The following PIGL variants were observed in gnomAD, a reference collection of about 807,000 sequenced individuals.
The protein encoded by PIGL is N-acetylglucosaminyl-phosphatidylinositol de-N-acetylase.
A neutral mutation model predicts 31.1 loss-of-function variants in PIGL; 22 were observed. The ratio of observed to expected loss-of-function variants is 0.71; its 90% CI spans 0.51 to 1.01. The LOEUF (loss-of-function observed/expected upper bound fraction) is 1.01. PIGL is among the 50% of genes least tolerant of loss of function. The pLI is 0.00. For missense variants in PIGL, 302 were observed against 315.9 expected (o/e 0.96, Z 0.33); for synonymous variants, 131 against 117.4 (o/e 1.12, Z -0.75).
At chr17:16,241,503 G>A (rs186612617) in intron 2 of PIGL, among the ~76,000 whole-genome samples, 13 of 151,020 alleles carry the variant, frequency 8.6e-5, no homozygotes, top group African/African-American at 2.4e-4. Flanking sequence ...GGAGGAGGAC[G>A]GTGCAGTGAG....
At chr17:16,278,677 C>G (rs2092905385) in intron 2 of PIGL, among the ~76,000 whole-genome samples, 1 of 150,832 alleles carries the variant, frequency 6.6e-6, no homozygotes, top group Non-Finnish European at 1.5e-5. Flanking sequence ...TTTTTCCTAT[C>G]TAACCTAAAA....
At chr17:16,310,984 T>C (rs1009629878) in intron 3 of PIGL, among the ~76,000 whole-genome samples, 1 of 152,224 alleles carries the variant, frequency 6.6e-6, no homozygotes, top group Admixed American at 6.5e-5. Flanking sequence ...ATAGGGTTAA[T>C]ACTATGTCTT....
At chr17:16,301,570 A>ATT (rs3034004) in intron 3 of PIGL, among the ~76,000 whole-genome samples, 7 of 112,322 alleles carry the variant, frequency 6.2e-5, no homozygotes, top group East Asian at 2.9e-4. Context: ...CCAATTTTTA[A>ATT]TTTTTTTTTT....
chr17:16,236,141 G>C (rs2092698944), intron 2 of PIGL, among the ~76,000 whole-genome samples: 1 of 152,058 alleles, frequency 6.6e-6, no homozygotes, highest in Non-Finnish European at 1.5e-5. Context: ...AAAAAAACAG[G>C]ATAGGTGCTT....
intron 6 of PIGL, among the ~76,000 whole-genome samples, chr17:16,319,656 G>A (rs2093094406): frequency 6.6e-6 from 1 of 151,958 alleles, no homozygotes; most frequent in Non-Finnish European, 1.5e-5. Flanking sequence ...TCGGGAGGCT[G>A]AGGCAGGAGA....
intron 2 of PIGL, among the ~76,000 whole-genome samples, chr17:16,286,686 G>T (rs1414025315): frequency 1.3e-5 from 2 of 152,144 alleles, no homozygotes; most frequent in Non-Finnish European, 2.9e-5. Context: ...GGAAGGAGTC[G>T]TCGGGCTTCT....
rs117667630 is a variant in PIGL at position 16,303,349 on chromosome 17, C to T, written c.426+3371C>T. 1.1e-4 allele frequency among the ~76,000 whole-genome samples: 16 copies of T among 152,320 alleles called. No homozygotes were observed. In the East Asian group the frequency reaches 3.1e-3, roughly 29 times the overall value. ...TATCTCCAAGAACTAGAGCAGGCCC[C>T]TGGACAGTGCTCCTTACCAAACTGC... On this transcript the variant is annotated intron_variant, in intron 3 of 6. Coordinates refer to ENST00000225609, the MANE Select transcript of PIGL (RefSeq NM_004278.4).
intron 3 of PIGL, among the ~76,000 whole-genome samples, chr17:16,303,957 G>A (rs770191225): frequency 2.6e-5 from 4 of 151,936 alleles, no homozygotes; most frequent in Admixed American, 6.6e-5. Context: ...CTCATGATCC[G>A]CCCGCCTCGG....
At chr17:16,325,730 G>A in intron 6 of PIGL, 70 bp from the exon 7 acceptor site, 1 of 1,124,160 alleles carries the variant, frequency 8.9e-7, no homozygotes, top group Admixed American at 1.7e-5. Context: ...AGGTGCGGAG[G>A]CCAGATCTGA....
In PIGL at chr17:16,274,316, G is replaced by A. The variant is rs965415435; in HGVS notation, c.336-25572G>A. On this transcript the variant is annotated intron_variant, in intron 2 of 6. Coordinates refer to ENST00000225609, the MANE Select transcript of PIGL (RefSeq NM_004278.4). Reference sequence around the variant, plus strand: ...AGTTCAGACCTGAGGCCAAGAAGAGGAAGGCAAGAGTTCTCTTGCGGATCT... The same window carrying A: ...AGTTCAGACCTGAGGCCAAGAAGAGAAAGGCAAGAGTTCTCTTGCGGATCT... Among the ~76,000 whole-genome samples, 3 of 152,296 alleles carry A rather than the reference G, an allele frequency of 2.0e-5. No homozygotes were observed. In the East Asian group the frequency reaches 5.8e-4, roughly 29 times the overall value.
Position 16,315,299 on chromosome 17 carries a change from C to T in PIGL, c.495-1382C>T, listed in dbSNP as rs2093070569. Among the ~76,000 whole-genome samples the T allele has an allele frequency of 2.6e-5, 4 of 152,232 alleles. No individual in the cohort carries two copies. The South Asian group carries it at 6.2e-4, about 24-fold the overall frequency. ...CTTTTTCCCCACAGTCATCTCTTGC[C>T]TGCTAAATTCGTTAGACTCACGTTA... On this transcript the variant is annotated intron_variant, in intron 4 of 6. Coordinates refer to ENST00000225609, the MANE Select transcript of PIGL (RefSeq NM_004278.4).
intron 2 of PIGL, among the ~76,000 whole-genome samples, chr17:16,277,451 CA>C (rs769581770): frequency 7.2e-5 from 11 of 152,088 alleles, no homozygotes; most frequent in Non-Finnish European, 1.3e-4. Flanking sequence ...GTTAATAGCT[CA>C]AAAGAAAAAT....
chr17:16,325,961 C>T lies in PIGL; in HGVS notation c.*63C>T, dbSNP rs2093125851. 2.5e-6 allele frequency: 3 copies of T among 1,189,418 alleles called. No individual in the cohort carries two copies. Among genetic ancestry groups the T allele is most frequent in the Non-Finnish European group, 3.8e-6 (3 of 797,510 alleles). The allele number at this position is 1,189,418 out of a possible 1,614,324, so 73.7% of individuals were successfully genotyped here. On this transcript the variant is annotated 3_prime_UTR_variant, in exon 7 of 7. Transcript: ENST00000225609. ...AAAATAGACAAAGGAGTGCAGAGGA[C>T]CTGGCCTGGCACTGGCTTATTTACC...
intron 1 of PIGL, among the ~76,000 whole-genome samples, chr17:16,229,310 T>G (rs1420143769): frequency 6.6e-6 from 1 of 151,624 alleles, no homozygotes; most frequent in African/African-American, 2.4e-5. Context: ...ATGGCTTTAT[T>G]AATATTCCAT....
chr17:16,301,598 G>C (rs1020971266), intron 3 of PIGL, among the ~76,000 whole-genome samples: 2 of 131,930 alleles, frequency 1.5e-5, no homozygotes, highest in African/African-American at 5.9e-5. Context: ...TTGAGACAGA[G>C]TCTCGCTCTG....
At chr17:16,286,072 C>A (rs2092936125) in intron 2 of PIGL, among the ~76,000 whole-genome samples, 1 of 152,240 alleles carries the variant, frequency 6.6e-6, no homozygotes, top group South Asian at 2.1e-4. Flanking sequence ...GACCTTTGCT[C>A]GCTTTGGATG....
At chr17:16,225,200 G>C (rs1396963365) in intron 1 of PIGL, among the ~76,000 whole-genome samples, 1 of 151,990 alleles carries the variant, frequency 6.6e-6, no homozygotes, top group Non-Finnish European at 1.5e-5. Context: ...AATATAGTCT[G>C]TTACTTTCTC....
chr17:16,223,328 C>T (rs1047283913), intron 1 of PIGL, among the ~76,000 whole-genome samples: 1 of 152,120 alleles, frequency 6.6e-6, no homozygotes, highest in African/African-American at 2.4e-5. Context: ...CCTGTAACCC[C>T]AGAACTTTGG....
chr17:16,312,886 G>C (rs994465460), intron 3 of PIGL: 13 of 146,352 alleles, frequency 8.9e-5, no homozygotes, highest in East Asian at 2.0e-4. Flanking sequence ...GTCCAGCTTC[G>C]GCTCAGCATC....
Sources: allele counts gnomAD v4.1 joint callset (sites outside exome capture counted in the v4.1 genomes callset), GRCh38; gene constraint gnomAD v4.1.1; transcripts MANE v1.5; gene names NCBI Gene and HGNC (gene_info 2026-07-23, HGNC 2026-07-21).